CSMD1: variants seen among roughly 807,000 people sequenced by gnomAD.
CSMD1 encodes the protein CUB and sushi domain-containing protein 1.
A neutral mutation model predicts 417.5 loss-of-function variants in CSMD1; 213 were observed. The ratio of observed to expected loss-of-function variants is 0.51; its 90% CI spans 0.46 to 0.57. The LOEUF is 0.57. Ranked by LOEUF, CSMD1 falls within the 20% of genes least tolerant of loss-of-function variation. The pLI is 0.00. For synonymous variants in CSMD1, 2,862 were observed against 1,736.8 expected (o/e 1.65, Z -16.11); for missense variants, 6,923 against 4,529.7 (o/e 1.53, Z -15.17).
At chr8:3,926,731 T>C (rs1809756486) in intron 5 of CSMD1, among the ~76,000 whole-genome samples, 1 of 146,366 alleles carries the variant, frequency 6.8e-6, no homozygotes, top group African/African-American at 2.5e-5. Context: ...TTTTTTTTTT[T>C]TTTTTTATGG....
At chr8:4,205,120 C>G (rs1484861795) in intron 3 of CSMD1, among the ~76,000 whole-genome samples, 2 of 152,116 alleles carry the variant, frequency 1.3e-5, no homozygotes, top group Non-Finnish European at 2.9e-5. Flanking sequence ...TTAACATAAA[C>G]ACATTTATCT....
chr8:4,886,377 A>G (rs1376550748), intron 1 of CSMD1, among the ~76,000 whole-genome samples: 1 of 151,886 alleles, frequency 6.6e-6, no homozygotes, highest in South Asian at 2.1e-4. Flanking sequence ...TCCTTAATAC[A>G]TTATTATGAT....
intron 2 of CSMD1, among the ~76,000 whole-genome samples, chr8:4,440,727 G>T (rs540185758): frequency 3.9e-5 from 6 of 152,208 alleles, no homozygotes; most frequent in South Asian, 2.1e-4. Flanking sequence ...CGGGTGTGGT[G>T]GTTCATGCCT....
chr8:4,758,648 G>A (rs576878291), intron 1 of CSMD1, among the ~76,000 whole-genome samples: 1 of 152,262 alleles, frequency 6.6e-6, no homozygotes, highest in South Asian at 2.1e-4. Flanking sequence ...GAGGCCTCAG[G>A]AAACTTACAA....
intron 3 of CSMD1, among the ~76,000 whole-genome samples, chr8:4,250,922 G>A (rs1055319973): frequency 7.2e-5 from 11 of 152,084 alleles, no homozygotes; most frequent in Non-Finnish European, 1.0e-4. Context: ...TCTTAGTCAC[G>A]GCTGAGCTCT....
chr8:3,182,612 G>GAGAAGGGGGACTC (rs1821417771), intron 36 of CSMD1, among the ~76,000 whole-genome samples: 1 of 60,026 alleles, frequency 1.7e-5, no homozygotes. Context: ...GTGTGTGTGT[G>GAGAAGGGGGACTC]TGTGTGTGTG....
At position 4,195,950 on chromosome 8, in the gene CSMD1, G is replaced by A. The variant is rs189249635; in HGVS notation, c.416-163851C>T. 9.3e-4 allele frequency among the ~76,000 whole-genome samples: 141 copies of A among 152,132 alleles called. 1 individual carries two copies. Among genetic ancestry groups the A allele is most frequent in the Admixed American group, 6.9e-3 (105 of 15,284 alleles). ...TGCCAGGCCGGGCGCGGTGGCTCAC[G>A]CCTGTAATCCCAACACTTTGGGGCA... On this transcript the variant is annotated intron_variant, in intron 3 of 69. Coordinates refer to ENST00000635120, the MANE Select transcript of CSMD1 (RefSeq NM_033225.6).
At chr8:3,026,036 C>G (rs537264927) in intron 51 of CSMD1, among the ~76,000 whole-genome samples, 3 of 152,074 alleles carry the variant, frequency 2.0e-5, no homozygotes, top group South Asian at 2.1e-4. Flanking sequence ...ATCCTCTCCC[C>G]CTGAGTGAGG....
At chr8:3,544,058 C>T (rs1798554331) in intron 10 of CSMD1, among the ~76,000 whole-genome samples, 1 of 151,986 alleles carries the variant, frequency 6.6e-6, no homozygotes, top group Non-Finnish European at 1.5e-5. Context: ...CAGTGCTAAC[C>T]ACAGGCCAAG....
At chr8:3,724,325 T>C (rs1248146743) in intron 6 of CSMD1, among the ~76,000 whole-genome samples, 1 of 152,120 alleles carries the variant, frequency 6.6e-6, no homozygotes. Context: ...ATTAGGTATA[T>C]CTCCCAATGC....
chr8:3,350,022 T>C (rs912741986), intron 21 of CSMD1, among the ~76,000 whole-genome samples: 31 of 145,294 alleles, frequency 2.1e-4, no homozygotes, highest in Admixed American at 1.5e-3. Context: ...ATAACTTGTG[T>C]ATGTGTGTGT....
At position 4,137,751 on chromosome 8, in the gene CSMD1, A is replaced by C. The variant is rs1301618672; in HGVS notation, c.416-105652T>G. On this transcript the variant is annotated intron_variant, in intron 3 of 69. Coordinates refer to ENST00000635120, the MANE Select transcript of CSMD1 (RefSeq NM_033225.6). The stretch of plus-strand genomic sequence containing the variant: ...ACGATGTTGTATTTTATATAAAATT[A>C]CACTTTCCTAAATTTCTCAAGGAAA... Among the ~76,000 whole-genome samples, 3 of 146,274 alleles carry C rather than the reference A, an allele frequency of 2.1e-5. 1 individual carries two copies. The highest frequency in any genetic ancestry group is 4.6e-5 in the Non-Finnish European group (3 of 65,350).
intron 1 of CSMD1, among the ~76,000 whole-genome samples, chr8:4,871,439 C>T (rs933262377): frequency 6.6e-6 from 1 of 152,072 alleles, no homozygotes; most frequent in African/African-American, 2.4e-5. Flanking sequence ...AGTGGCAATT[C>T]CCGCTGAGCC....
intron 3 of CSMD1, among the ~76,000 whole-genome samples, chr8:4,171,111 T>G (rs750226717): frequency 6.6e-6 from 1 of 151,826 alleles, no homozygotes; most frequent in Non-Finnish European, 1.5e-5. Context: ...TACCTGCCCT[T>G]CAGCACACAA....
At chr8:4,271,270 G>C (rs1361221060) in intron 3 of CSMD1, among the ~76,000 whole-genome samples, 12 of 152,168 alleles carry the variant, frequency 7.9e-5, no homozygotes, top group Non-Finnish European at 1.8e-4. Context: ...TGAAGCTGTA[G>C]GGGTTGGTGC....
chr8:4,087,856 G>C (rs911390669), intron 3 of CSMD1, among the ~76,000 whole-genome samples: 1 of 152,010 alleles, frequency 6.6e-6, no homozygotes, highest in Admixed American at 6.6e-5. Flanking sequence ...TACCTTACGT[G>C]ACCTAGGTGA....
chr8:4,834,975 A>G (rs1800382076), intron 1 of CSMD1, among the ~76,000 whole-genome samples: 4 of 39,804 alleles, frequency 1.0e-4, no homozygotes, highest in African/African-American at 1.3e-4. Context: ...AAAAAAAAAA[A>G]AAAAAGAAAG....
At chr8:3,499,318 T>G (rs1475429010) in intron 10 of CSMD1, among the ~76,000 whole-genome samples, 1 of 152,118 alleles carries the variant, frequency 6.6e-6, no homozygotes, top group Non-Finnish European at 1.5e-5. Flanking sequence ...TGTGGAAGTG[T>G]TGGTTCAGCT....
chr8:3,289,161 A>AT lies in CSMD1; in HGVS notation c.3951-4816dup, dbSNP rs1307511936. On this transcript the variant is annotated intron_variant, in intron 25 of 69. Coordinates refer to ENST00000635120, the MANE Select transcript of CSMD1 (RefSeq NM_033225.6). Reference sequence around the variant, plus strand: ...TCCCTACAAAGCACATGAACTCATCATTTTTTATGGCTGCATAGTATTCCA... The same window carrying AT: ...TCCCTACAAAGCACATGAACTCATCATTTTTTTATGGCTGCATAGTATTCCA... Among the ~76,000 whole-genome samples the AT allele has an allele frequency of 4.1e-5, 6 of 147,484 alleles. 1 individual carries two copies. Among genetic ancestry groups the AT allele is most frequent in the African/African-American group, 1.6e-4 (6 of 37,260 alleles).
Sources: gnomAD v4.1 joint callset for allele counts (sites outside exome capture counted in the v4.1 genomes callset) on GRCh38, gnomAD v4.1.1 for gene constraint, MANE v1.5 for transcripts, NCBI Gene and HGNC (gene_info 2026-07-23, HGNC 2026-07-21) for gene names.